Variants in PNKD observed in about 807,000 individuals in gnomAD.
PNKD encodes probable thioesterase PNKD.
PNKD carries 36 observed loss-of-function variants against 45.3 expected under a neutral mutation model. The observed-to-expected ratio is 0.80, with a 90% CI of 0.61 to 1.05. PNKD has a LOEUF of 1.05. Ranked by LOEUF, PNKD falls within the 50% of genes least tolerant of loss-of-function variation. The pLI, the probability that PNKD is intolerant of heterozygous loss-of-function variation, is 0.00. For missense variants in PNKD, 511 were observed against 506.6 expected (o/e 1.01, Z -0.08); for synonymous variants, 197 against 210.1 (o/e 0.94, Z 0.54).
intron 2 of PNKD, among the ~76,000 whole-genome samples, chr2:218,298,978 T>C (rs1208729735): frequency 6.6e-6 from 1 of 152,052 alleles, no homozygotes; most frequent in African/African-American, 2.4e-5. Flanking sequence ...CTGCACCCCC[T>C]CCATAATCTC....
At chr2:218,324,770 A>G (rs1417292155) in intron 2 of PNKD, among the ~76,000 whole-genome samples, 4 of 151,648 alleles carry the variant, frequency 2.6e-5, no homozygotes, top group Non-Finnish European at 5.9e-5. Flanking sequence ...CGCCATCTCT[A>G]CTAAAAATAC....
chr2:218,313,300 C>A (rs1693671275), intron 2 of PNKD, among the ~76,000 whole-genome samples: 1 of 152,036 alleles, frequency 6.6e-6, no homozygotes, highest in South Asian at 2.1e-4. Flanking sequence ...TAGTAGAGAT[C>A]TGGTTTCACC....
intron 2 of PNKD, among the ~76,000 whole-genome samples, chr2:218,323,012 C>A (rs1478163476): frequency 6.8e-6 from 1 of 147,768 alleles, no homozygotes; most frequent in Non-Finnish European, 1.5e-5. Context: ...AGCGCAGGCT[C>A]GCGGCCCGCT....
At chr2:218,315,727 A>G (rs1172306696) in intron 2 of PNKD, among the ~76,000 whole-genome samples, 1 of 152,130 alleles carries the variant, frequency 6.6e-6, no homozygotes, top group South Asian at 2.1e-4. Context: ...ATTCGGGTAG[A>G]ATTTATTTTG....
At chr2:218,307,654 A>G (rs1199270139) in intron 2 of PNKD, among the ~76,000 whole-genome samples, 1 of 152,106 alleles carries the variant, frequency 6.6e-6, no homozygotes, top group Non-Finnish European at 1.5e-5. Flanking sequence ...AAGGACCAGT[A>G]TAGGGTTGGA....
chr2:218,276,941 G>A, intron 2 of PNKD: 1 of 1,401,758 alleles, frequency 7.1e-7, no homozygotes, highest in Non-Finnish European at 1.0e-6. Flanking sequence ...GCGAGACCAT[G>A]CTATATAGGA....
chr2:218,312,312 G>A (rs7574748), intron 2 of PNKD, among the ~76,000 whole-genome samples: 2 of 152,146 alleles, frequency 1.3e-5, no homozygotes, highest in East Asian at 3.8e-4. Flanking sequence ...CCTTGCCTGT[G>A]ATTTGTACTA....
intron 2 of PNKD, chr2:218,318,107 C>T (rs1331661808): frequency 1.3e-5 from 2 of 152,430 alleles, no homozygotes; most frequent in Non-Finnish European, 2.9e-5. Flanking sequence ...GCAGGCTCTC[C>T]ATTCTAAGGG....
At chr2:218,278,157 GAGAC>G (rs1471123553) in intron 2 of PNKD, 1 of 651,426 alleles carries the variant, frequency 1.5e-6, no homozygotes, top group African/African-American at 1.8e-5. Context: ...ATGGGCCAAT[GAGAC>G]AGACCTGTGT....
At chr2:218,283,341 T>A (rs1302406713) in intron 2 of PNKD, among the ~76,000 whole-genome samples, 2 of 152,328 alleles carry the variant, frequency 1.3e-5, no homozygotes, top group African/African-American at 2.4e-5. Context: ...GCCTTCCAGA[T>A]CCTGGGTCCA....
chr2:218,309,552 G>A (rs1305241037), intron 2 of PNKD, among the ~76,000 whole-genome samples: 1 of 151,926 alleles, frequency 6.6e-6, no homozygotes, highest in Non-Finnish European at 1.5e-5. Context: ...TTACAGGCAT[G>A]GCCACCACAC....
chr2:218,295,676 G>A (rs1693124389), intron 2 of PNKD, among the ~76,000 whole-genome samples: 2 of 151,984 alleles, frequency 1.3e-5, no homozygotes, highest in African/African-American at 4.8e-5. Flanking sequence ...GAGGCAGGGG[G>A]CCAGAAATTG....
chr2:218,305,486 G>A (rs1404669936), intron 2 of PNKD, among the ~76,000 whole-genome samples: 1 of 151,768 alleles, frequency 6.6e-6, no homozygotes, highest in Non-Finnish European at 1.5e-5. Flanking sequence ...AAGTAACTGG[G>A]ACCACAGGTG....
intron 2 of PNKD, among the ~76,000 whole-genome samples, chr2:218,293,897 G>A: frequency 7.4e-6 from 1 of 134,438 alleles, no homozygotes; most frequent in Non-Finnish European, 1.5e-5. Context: ...ACAGACATGA[G>A]CCACCACGTC....
At chr2:218,306,363 C>T (rs149129780) in intron 2 of PNKD, among the ~76,000 whole-genome samples, 333 of 152,160 alleles carry the variant, frequency 2.2e-3, no homozygotes, top group African/African-American at 7.7e-3. Flanking sequence ...AAGGTCACAC[C>T]CTCTTATCAT....
At chr2:218,296,789 C>T (rs540414495) in intron 2 of PNKD, among the ~76,000 whole-genome samples, 4 of 152,264 alleles carry the variant, frequency 2.6e-5, no homozygotes, top group Admixed American at 6.5e-5. Context: ...AGCGATTCTC[C>T]TGCTTGGCCT....
intron 2 of PNKD, chr2:218,276,995 G>T (rs746575826): frequency 1.2e-6 from 2 of 1,612,088 alleles, no homozygotes; most frequent in Non-Finnish European, 1.7e-6. Context: ...GCTCTCCTGG[G>T]ACACTCACGT....
intron 2 of PNKD, 129 bp from the exon 3 acceptor site, chr2:218,339,654 T>G: frequency 1.4e-6 from 1 of 711,486 alleles, no homozygotes; most frequent in South Asian, 1.5e-5. Context: ...ACATAATAAG[T>G]GAGAGTGGAA....
chr2:218,340,189 C>A lies in PNKD; in HGVS notation c.465+48C>A. On this transcript the variant is annotated intron_variant, in intron 4 of 9. Transcript: ENST00000273077. The surrounding 1 kb of genome is among the most constrained non-coding windows in gnomAD (Gnocchi z 4.2). ...GGGGTGCCTGGAGTCACCTTGGGGA[C>A]TGGCAGTTTCGCCTTGCTAGAGAGG... 8.3e-7 allele frequency: 1 copy of A among 1,204,156 alleles called. No homozygotes were observed. The highest frequency in any genetic ancestry group is 1.2e-6 in the Non-Finnish European group (1 of 811,152). 74.6% of individuals were successfully genotyped at this position (1,204,156 alleles called of 1,614,324 possible).
Sources: allele counts gnomAD v4.1 joint callset (sites outside exome capture counted in the v4.1 genomes callset), GRCh38; gene constraint gnomAD v4.1.1; non-coding constraint Gnocchi (gnomAD v3.1); transcripts MANE v1.5; gene names NCBI Gene and HGNC (gene_info 2026-07-23, HGNC 2026-07-21).